HHAT: variants seen among roughly 807,000 people sequenced by gnomAD.
HHAT encodes the protein hedgehog acyltransferase, also known as protein-cysteine N-palmitoyltransferase HHAT.
A neutral mutation model predicts 70.8 loss-of-function variants in HHAT; 47 were observed. That is an observed-to-expected ratio of 0.66 (90% CI 0.53 to 0.85). The LOEUF is 0.85. Among genes scored for constraint, HHAT ranks in the 40% least tolerant of loss-of-function variants. The pLI is 0.00. For synonymous variants in HHAT, 228 were observed against 247.6 expected, an observed-to-expected ratio of 0.92 and a Z score of 0.74; for missense variants, 609 against 604.8, an observed-to-expected ratio of 1.01 and a Z score of -0.07.
rs11446633 is a variant in HHAT, at chr1:210,604,245, AT to A, written c.1245+16160del. 5.1e-3 allele frequency among the ~76,000 whole-genome samples: 724 copies of A among 141,572 alleles called. 6 individuals carry two copies. Among genetic ancestry groups the A allele is most frequent in the African/African-American group, 0.018 (680 of 38,540 alleles). 92.9% of individuals were successfully genotyped at this position (141,572 alleles called of 152,430 possible). ...CAGGTGCATGCCACCAAGCCCAGCT[AT>A]TTTTTTTTTTTTTGTATTTTTAGTA... On this transcript the variant is annotated intron_variant, in intron 10 of 11. Transcript: ENST00000261458.
At chr1:210,506,532 A>C (rs1393335301) in intron 8 of HHAT, among the ~76,000 whole-genome samples, 1 of 152,148 alleles carries the variant, frequency 6.6e-6, no homozygotes, top group Non-Finnish European at 1.5e-5. Flanking sequence ...TATGTACAGG[A>C]TCCGTGTTCC....
chr1:210,375,963 T>C (rs367844928), intron 3 of HHAT, among the ~76,000 whole-genome samples: 122 of 151,568 alleles, frequency 8.0e-4, no homozygotes, highest in African/African-American at 2.9e-3. Flanking sequence ...ATGATTCTTC[T>C]AACCCTCCCA....
chr1:210,496,181 A>G (rs1172051643), intron 8 of HHAT, among the ~76,000 whole-genome samples: 1 of 150,984 alleles, frequency 6.6e-6, no homozygotes, highest in Non-Finnish European at 1.5e-5. Context: ...TTTGTTATTT[A>G]GAGGGGTGAT....
chr1:210,659,989 T>C (rs1404708839), intron 11 of HHAT, among the ~76,000 whole-genome samples: 2 of 152,160 alleles, frequency 1.3e-5, no homozygotes, highest in African/African-American at 4.8e-5. Flanking sequence ...ACTGGAAGCA[T>C]TTCCTTTGAA....
At chr1:210,438,297 G>A (rs1444783065) in intron 7 of HHAT, among the ~76,000 whole-genome samples, 2 of 151,768 alleles carry the variant, frequency 1.3e-5, no homozygotes, top group South Asian at 2.1e-4. Context: ...AGGTAACATG[G>A]TTCTTTGGTG....
At chr1:210,335,612 C>G (rs539178446) in intron 1 of HHAT, among the ~76,000 whole-genome samples, 20 of 152,104 alleles carry the variant, frequency 1.3e-4, no homozygotes, top group East Asian at 3.8e-4. Flanking sequence ...AATCCATAAA[C>G]AGGCTTATAC....
rs538468795 is a variant in HHAT at position 210,391,979 on chromosome 1, C to G, written c.273+4398C>G. Among the ~76,000 whole-genome samples, 515 of 152,176 alleles carry G rather than the reference C, an allele frequency of 3.4e-3. 4 individuals are homozygous for G. Among genetic ancestry groups the G allele is most frequent in the African/African-American group, 0.012 (499 of 41,510 alleles). On this transcript the variant is annotated intron_variant, in intron 4 of 11. Transcript: ENST00000261458. ...CCAACTCCTGGGTTCAAGCAATCCT[C>G]CTGCCTCAGCTCCCGAGTAGCTTGG...
chr1:210,464,401 T>G, intron 7 of HHAT, 104 bp from the exon 8 acceptor site: 1 of 1,070,964 alleles, frequency 9.3e-7, no homozygotes. Flanking sequence ...GGAAGGGGTG[T>G]GGGGAGAAGC....
chr1:210,467,582 A>G (rs1356743147), intron 8 of HHAT, among the ~76,000 whole-genome samples: 1 of 152,230 alleles, frequency 6.6e-6, no homozygotes, highest in Non-Finnish European at 1.5e-5. Flanking sequence ...AGACAAATTT[A>G]ATCATGAGCA....
chr1:210,565,030 A>G (rs1380681457), intron 9 of HHAT, among the ~76,000 whole-genome samples: 1 of 152,200 alleles, frequency 6.6e-6, no homozygotes, highest in Non-Finnish European at 1.5e-5. Flanking sequence ...TAAGGAAAGA[A>G]CCAGTCAGAT....
intron 2 of HHAT, among the ~76,000 whole-genome samples, chr1:210,352,239 T>C (rs1020477979): frequency 6.6e-6 from 1 of 152,176 alleles, no homozygotes; most frequent in Non-Finnish European, 1.5e-5. Context: ...CTTTAATCCT[T>C]AATGCCTTTC....
chr1:210,623,354 T>C (rs1669234709), intron 10 of HHAT, among the ~76,000 whole-genome samples, 172 bp from the exon 11 acceptor site: 1 of 152,196 alleles, frequency 6.6e-6, no homozygotes, highest in Admixed American at 6.5e-5. Flanking sequence ...ATTATAGGCA[T>C]GAGCTGCCAC....
At chr1:210,477,241 G>C (rs1013429141) in intron 8 of HHAT, among the ~76,000 whole-genome samples, 14 of 152,172 alleles carry the variant, frequency 9.2e-5, no homozygotes, top group African/African-American at 3.4e-4. Context: ...AAAGGCAACT[G>C]ATCTACAGCC....
intron 11 of HHAT, among the ~76,000 whole-genome samples, chr1:210,656,163 A>AG (rs1676368073): frequency 6.6e-6 from 1 of 152,130 alleles, no homozygotes; most frequent in Non-Finnish European, 1.5e-5. Context: ...GACATAGACT[A>AG]AGTCCATTTC....
At chr1:210,334,419 A>G (rs2085297335) in intron 1 of HHAT, among the ~76,000 whole-genome samples, 1 of 151,632 alleles carries the variant, frequency 6.6e-6, no homozygotes, top group African/African-American at 2.4e-5. Flanking sequence ...GCCTCCCAAA[A>G]TGGTGGGATT....
chr1:210,606,663 C>A (rs1665520769), intron 10 of HHAT, among the ~76,000 whole-genome samples: 1 of 152,004 alleles, frequency 6.6e-6, no homozygotes, highest in African/African-American at 2.4e-5. Flanking sequence ...CTTGTTTTTT[C>A]TTTTTCTCCC....
rs114956033 is a variant in HHAT, at chr1:210,569,786, G to T, written c.1044-18112G>T. 9.9e-3 allele frequency among the ~76,000 whole-genome samples: 1,506 copies of T among 152,064 alleles called. 20 individuals carry two copies. Among genetic ancestry groups the T allele is most frequent in the African/African-American group, 0.032 (1,334 of 41,464 alleles). On this transcript the variant is annotated intron_variant, in intron 9 of 11. Coordinates refer to ENST00000261458, the MANE Select transcript of HHAT (RefSeq NM_018194.6). ...TCAGAATCAACCCCTTCATCCCCCA[G>T]CACATGCAAGTTGCCTGTAGCTCCA... is the stretch of plus-strand genomic sequence containing the variant.
At chr1:210,351,000 A>G (rs1008405701) in intron 2 of HHAT, among the ~76,000 whole-genome samples, 2 of 152,222 alleles carry the variant, frequency 1.3e-5, no homozygotes, top group Non-Finnish European at 2.9e-5. Context: ...AATAGAATCA[A>G]TAGGCTACAT....
intron 9 of HHAT, among the ~76,000 whole-genome samples, chr1:210,519,998 A>G (rs1403325059): frequency 6.9e-6 from 1 of 145,020 alleles, no homozygotes; most frequent in Admixed American, 7.0e-5. Flanking sequence ...TAAAGTCTTC[A>G]GCTCATTTTA....
Sources: gnomAD v4.1 joint callset for allele counts (sites outside exome capture counted in the v4.1 genomes callset) on GRCh38, gnomAD v4.1.1 for gene constraint, MANE v1.5 for transcripts, NCBI Gene and HGNC (gene_info 2026-07-23, HGNC 2026-07-21) for gene names.